The following CRYBG2 variants were observed in gnomAD, a reference collection of about 807,000 sequenced individuals.
CRYBG2 encodes crystallin beta-gamma domain containing 2, also known as beta/gamma crystallin domain-containing protein 2.
A neutral mutation model predicts 153.4 loss-of-function variants in CRYBG2; 106 were observed. That is an observed-to-expected ratio of 0.69 (90% CI 0.59 to 0.81). The LOEUF (loss-of-function observed/expected upper bound fraction) is 0.81, where lower values mean the gene tolerates loss of function less well. Among genes scored for constraint, CRYBG2 ranks in the 30% least tolerant of loss-of-function variants. The pLI, the probability that CRYBG2 is intolerant of heterozygous loss-of-function variation, is 0.00. For missense variants in CRYBG2, 1,996 were observed against 2,112.0 expected (o/e 0.95, Z 1.08); for synonymous variants, 851 against 877.8 (o/e 0.97, Z 0.54).
intron 1 of CRYBG2, among the ~76,000 whole-genome samples, chr1:26,350,168 C>T (rs1304071723): frequency 2.6e-5 from 4 of 152,120 alleles, no homozygotes; most frequent in Non-Finnish European, 5.9e-5. Context: ...CACCTCAGCC[C>T]CACTGCCATG....
At chr1:26,347,343 G>A (rs1411835850) in intron 1 of CRYBG2, among the ~76,000 whole-genome samples, 1 of 144,238 alleles carries the variant, frequency 6.9e-6, no homozygotes, top group Non-Finnish European at 1.5e-5. Context: ...ACCCAGGCTG[G>A]AGTGCAGTGG....
rs9645432 is a variant in CRYBG2, at chr1:26,325,286, G to A, written c.4579-976C>T. 0.45 allele frequency among the ~76,000 whole-genome samples: 68,385 copies of A among 152,096 alleles called. 16,318 individuals carry two copies. The highest frequency in any genetic ancestry group is 0.52 in the Non-Finnish European group (35,529 of 67,974). On this transcript the variant is annotated intron_variant, in intron 17 of 19. Coordinates refer to ENST00000308182, the MANE Select transcript of CRYBG2 (RefSeq NM_001039775.4). The surrounding 1 kb of genome is among the most constrained non-coding windows in gnomAD (Gnocchi z 4.1). ...CATAAATGCAATCCCGGCCGGGCGC[G>A]GAGGCTCACGCCTGTAATCCCAGCA...
intron 1 of CRYBG2, among the ~76,000 whole-genome samples, chr1:26,350,601 C>T (rs2074275721): frequency 1.3e-5 from 2 of 152,162 alleles, no homozygotes; most frequent in Non-Finnish European, 2.9e-5. Context: ...ACCCTAAGTG[C>T]TCACTCACCA....
At chr1:26,341,784 C>T (rs2074133344) in intron 5 of CRYBG2, among the ~76,000 whole-genome samples, 1 of 152,138 alleles carries the variant, frequency 6.6e-6, no homozygotes, top group African/African-American at 2.4e-5. Flanking sequence ...CTGCGCCTGG[C>T]CTTTGAAATT....
At chr1:26,351,750 C>G (rs2074289308) in intron 1 of CRYBG2, among the ~76,000 whole-genome samples, 1 of 152,172 alleles carries the variant, frequency 6.6e-6, no homozygotes, top group South Asian at 2.1e-4. Context: ...CTGCATACCT[C>G]CAGGGACAGG....
At chr1:26,338,301 CA>C in intron 7 of CRYBG2, 49 bp downstream of exon 7, 1 of 1,539,294 alleles carries the variant, frequency 6.5e-7, no homozygotes, top group Non-Finnish European at 8.7e-7. Context: ...TACTTGGGAC[CA>C]GGGGCAGAGC....
rs751843649 is a variant in CRYBG2, at chr1:26,346,597, T to C, written c.61A>G (p.Thr21Ala). 1.3e-6 allele frequency: 2 copies of C among 1,589,144 alleles called. No individual in the cohort carries two copies. The highest frequency in any genetic ancestry group is 3.6e-5 in the Admixed American group (2 of 55,914). Residue 21 changes from threonine to alanine, a missense_variant, in exon 2 of 20, where the codon ACA becomes GCA. Thr to Ala is a moderately conservative substitution (Grantham distance 58). Transcript: ENST00000308182. This position sits in a 1 kb window ranked among gnomAD's most constrained non-coding sequence, Gnocchi z 4.9. Reference sequence around the variant, plus strand: ...TGGGTGGGGGGCCGCTGCCGCCATGTCAATGTGGCACTTACCACTCGGGCC... The same window carrying C: ...TGGGTGGGGGGCCGCTGCCGCCATGCCAATGTGGCACTTACCACTCGGGCC... ...AKARVVSATL[T>A]WRQRPPTQEE... is the part of the protein sequence containing the mutation.
At chr1:26,324,030 C>T (rs1412377244) in intron 18 of CRYBG2, 122 bp downstream of exon 18, 2 of 1,056,292 alleles carry the variant, frequency 1.9e-6, no homozygotes, top group African/African-American at 3.2e-5. Flanking sequence ...CACTCTCCCT[C>T]TCCCCAGGGT....
At chr1:26,327,956 A>T (rs2073952015) in intron 17 of CRYBG2, among the ~76,000 whole-genome samples, 1 of 151,906 alleles carries the variant, frequency 6.6e-6, no homozygotes, top group Non-Finnish European at 1.5e-5. Flanking sequence ...CACAAAAAAA[A>T]AAAAGAAAAA....
intron 18 of CRYBG2, 45 bp from the exon 19 acceptor site, chr1:26,322,368 A>C: frequency 6.4e-7 from 1 of 1,571,148 alleles, no homozygotes; most frequent in East Asian, 2.3e-5. Context: ...CCCCACAGGG[A>C]CTCTACTGTA....
At chr1:26,326,755 C>T in intron 17 of CRYBG2, 2 of 454,020 alleles carry the variant, frequency 4.4e-6, no homozygotes, top group Non-Finnish European at 8.9e-6. Context: ...CTAGGCTGTC[C>T]TGAGCCCCTC....
rs968553090 is a variant in CRYBG2 at position 26,336,367 on chromosome 1, C to G, written c.4042G>C (p.Gly1348Arg). 6.2e-7 allele frequency: 1 copy of G among 1,613,242 alleles called. No homozygotes were observed. Among genetic ancestry groups the G allele is most frequent in the Non-Finnish European group, 8.5e-7 (1 of 1,179,642 alleles). Reference protein sequence around the residue: ...LASLQPVLQVGEHDLHFVSKI... With the variant: ...LASLQPVLQVREHDLHFVSKI... ...GAGACGAAGTGCAGATCGTGCTCCC[C>G]GACCTGAAGGTAGGGACCGAATCGA... Residue 1348 changes from glycine (G) to arginine (R), a missense_variant, in exon 13 of 20, where the codon GGG (glycine) becomes CGG (arginine). Transcript: ENST00000308182. This position sits in a 1 kb window ranked among gnomAD's most constrained non-coding sequence, Gnocchi z 4.9.
At position 26,325,126 on chromosome 1, in the gene CRYBG2, T is replaced by C. The variant is rs1392738977; in HGVS notation, c.4579-816A>G. On this transcript the variant is annotated intron_variant, in intron 17 of 19. Transcript: ENST00000308182. The surrounding 1 kb of genome is among the most constrained non-coding windows in gnomAD (Gnocchi z 4.1). ...GGCCTTTATTTCCCCATCTGTAAAA[T>C]GTGAGGGGTGGAGATAATCTCCAAG... 6.6e-6 allele frequency: 1 copy of C among 152,164 alleles called. No individual in the cohort carries two copies. Among genetic ancestry groups the C allele is most frequent in the Non-Finnish European group, 1.5e-5 (1 of 68,038 alleles). 9.4% of individuals were successfully genotyped at this position (152,164 alleles called of 1,614,324 possible).
Position 26,331,481 on chromosome 1 carries a change from A to G in CRYBG2, c.4314+8T>C. The stretch of plus-strand genomic sequence containing the variant: ...CGGGATTGCCTGGAACCAGACATGG[A>G]AACTCACCAGGGATACCTTCTGGAG... On this transcript the variant is annotated splice_region_variant and intron_variant, in intron 15 of 19. Transcript: ENST00000308182. 1.2e-6 allele frequency: 2 copies of G among 1,607,250 alleles called. No homozygotes were observed. Among genetic ancestry groups the G allele is most frequent in the Non-Finnish European group, 1.7e-6 (2 of 1,174,644 alleles).
chr1:26,345,371 ATCCT>A lies in CRYBG2; in HGVS notation c.1283_1286del (p.Lys428MetfsTer36), dbSNP rs2074200118. ...CAGAAAGACCTCCTGGGCTGGGGAC[ATCCT>A]TCCTTCTTGTAGTGGATGGAGCAGG... On this transcript the variant is annotated frameshift_variant, in exon 2 of 20. Transcript: ENST00000308182. LOFTEE classifies it high-confidence loss of function. The A allele has an allele frequency of 6.2e-7, 1 of 1,613,280 alleles. No homozygotes were observed.
chr1:26,344,626 G>C lies in CRYBG2; in HGVS notation c.2032C>G (p.Gln678Glu). 6.5e-7 allele frequency: 1 copy of C among 1,536,032 alleles called. No homozygotes were observed. Among genetic ancestry groups the C allele is most frequent in the Non-Finnish European group, 8.7e-7 (1 of 1,146,832 alleles). ...PIAPATSLPK[Q>E]DKGVQDSEGS... ...TCAGAGTCCTGGACCCCCTTATCCT[G>C]TTTGGGGAGTGAGGTGGCAGGAGCA... The change falls in exon 2 of 20, where the codon CAG (glutamine) becomes GAG (glutamate). Residue 678 changes from glutamine (Q) to glutamate (E), a missense_variant. Gln to Glu is a conservative substitution (Grantham distance 29). Coordinates refer to ENST00000308182, the MANE Select transcript of CRYBG2 (RefSeq NM_001039775.4).
chr1:26,329,565 A>G (rs7519149), intron 15 of CRYBG2, among the ~76,000 whole-genome samples: 118,034 of 147,440 alleles, frequency 0.8, 47,567 homozygotes, highest in Middle Eastern at 0.85. Flanking sequence ...CTGTAGCCTC[A>G]ACTTCCTGGG....
intron 4 of CRYBG2, 56 bp from the exon 5 acceptor site, chr1:26,342,939 G>T: frequency 6.3e-7 from 1 of 1,599,752 alleles, no homozygotes. Context: ...GCCCAGGGCT[G>T]CTGGGTAGCT....
At position 26,328,793 on chromosome 1, in the gene CRYBG2, C is replaced by T. The variant is rs2073963688; in HGVS notation, c.4395G>A (p.Arg1465=). Residue 1465 remains arginine (R), a synonymous_variant, in exon 16 of 20, where the codon CGG becomes CGA. Transcript: ENST00000308182. The stretch of plus-strand genomic sequence containing the variant: ...TGTTGAAGCCCTCGGCTTGCAGGCT[C>T]CGCACCTCCCTGCTGAGCTCGATCT... ...GKEIELSREV[R]SLQAEGFNNH... 6.2e-7 allele frequency: 1 copy of T among 1,614,128 alleles called. No individual in the cohort carries two copies. The highest frequency in any genetic ancestry group is 2.2e-5 in the East Asian group (1 of 44,870).
Sources: gnomAD v4.1 joint callset for allele counts (sites outside exome capture counted in the v4.1 genomes callset) on GRCh38, gnomAD v4.1.1 for gene constraint, Gnocchi (gnomAD v3.1) non-coding constraint, MANE v1.5 for transcripts, NCBI Gene and HGNC (gene_info 2026-07-23, HGNC 2026-07-21) for gene names.